ZFR2: variants seen among roughly 807,000 people sequenced by gnomAD.
The protein encoded by ZFR2 is zinc finger RNA binding protein 2.
Under a neutral mutation model 105.7 loss-of-function variants are expected in ZFR2, and 104 were observed. The observed-to-expected ratio is 0.98, with a 90% confidence interval of 0.84 to 1.16. The LOEUF is 1.16. Among genes scored for constraint, ZFR2 ranks in the 50% most tolerant of loss-of-function variants. The pLI is 0.00. For missense variants in ZFR2, 1,425 were observed against 1,355.5 expected (o/e 1.05, Z -0.80); for synonymous variants, 634 against 597.7 (o/e 1.06, Z -0.89).
chr19:3,826,857 C>G (rs574542314), intron 6 of ZFR2, among the ~76,000 whole-genome samples: 5 of 152,374 alleles, frequency 3.3e-5, no homozygotes, highest in African/African-American at 1.2e-4. Flanking sequence ...CTGTCTGTCA[C>G]CACGCCCGAA....
At chr19:3,819,276 G>A (rs1275165754) in intron 11 of ZFR2, 41 bp from the exon 12 acceptor site, 23 of 1,451,718 alleles carry the variant, frequency 1.6e-5, no homozygotes, top group Non-Finnish European at 2.0e-5. Context: ...GGTCTGTGGG[G>A]ACCCTTGGGG....
At chr19:3,857,462 T>C (rs2038319011) in intron 1 of ZFR2, among the ~76,000 whole-genome samples, 1 of 148,730 alleles carries the variant, frequency 6.7e-6, no homozygotes, top group Non-Finnish European at 1.5e-5. Context: ...CCCAGCACTT[T>C]GGGAGGCTGA....
rs1009715120 is a variant in ZFR2, at chr19:3,823,140, T to C, written c.1371+106A>G. The C allele has an allele frequency of 6.6e-7, 1 of 1,513,258 alleles. No individual in the cohort carries two copies. The highest frequency in any genetic ancestry group is 1.2e-5 in the South Asian group (1 of 86,494). The allele number at this position is 1,513,258 out of a possible 1,614,324, so 93.7% of individuals were successfully genotyped here. A position where few individuals can be genotyped will look rare whatever the true frequency, so the allele number is the denominator to read the frequency against. ...GGCCTGTGCAGCTCAGGAACGGGGA[T>C]GGGTCTGTAAATCTCGCTGGGAGAA... is the stretch of plus-strand genomic sequence containing the variant. On this transcript the variant is annotated intron_variant, in intron 8 of 18. Transcript: ENST00000262961. This position sits in a 1 kb window ranked among gnomAD's most constrained non-coding sequence, Gnocchi z 5.4.
At chr19:3,867,008 T>C (rs1218825326) in intron 1 of ZFR2, among the ~76,000 whole-genome samples, 3 of 152,112 alleles carry the variant, frequency 2.0e-5, no homozygotes, top group Non-Finnish European at 4.4e-5. Context: ...TGGTTTCTCT[T>C]TGTGATTCCA....
intron 14 of ZFR2, 39 bp from the exon 15 acceptor site, chr19:3,811,405 C>T: frequency 6.5e-7 from 1 of 1,536,910 alleles, no homozygotes. Context: ...GGGGAAGGTG[C>T]CTCGTCCCGC....
chr19:3,832,832 T>C (rs1599237786), intron 3 of ZFR2, among the ~76,000 whole-genome samples: 1 of 151,008 alleles, frequency 6.6e-6, no homozygotes, highest in South Asian at 2.1e-4. Flanking sequence ...GAGACGGGGG[T>C]CTTACTATGT....
Position 3,827,579 on chromosome 19 carries a change from G to A in ZFR2, c.927C>T (p.Asn309=), listed in dbSNP as rs61742244. The change falls in exon 6 of 19, where the codon AAC becomes AAT. Residue 309 remains asparagine (N), a synonymous_variant. Coordinates refer to ENST00000262961, the MANE Select transcript of ZFR2 (RefSeq NM_015174.2). Reference sequence around the variant, plus strand: ...GCGCCTGCACCCCGCGCGGGCTCCCGTTGGGCTGCACGCCTGTCTTCTGGG... The same window carrying A: ...GCGCCTGCACCCCGCGCGGGCTCCCATTGGGCTGCACGCCTGTCTTCTGGG... ...EAAQKTGVQP[N]GSPRGVQAQL... 3,985 of 1,573,342 alleles carry A rather than the reference G, an allele frequency of 2.5e-3. 71 individuals are homozygous for A. The African/African-American group carries it at 0.047, about 19-fold the overall frequency.
At chr19:3,821,214 G>A (rs1223968047) in intron 10 of ZFR2, 126 bp downstream of exon 10, 8 of 1,312,140 alleles carry the variant, frequency 6.1e-6, no homozygotes, top group Admixed American at 3.0e-5. Flanking sequence ...CCGGGCACCC[G>A]TCTCCCCCCA....
intron 1 of ZFR2, among the ~76,000 whole-genome samples, chr19:3,837,649 G>A (rs953289749): frequency 4.6e-5 from 7 of 150,712 alleles, no homozygotes; most frequent in African/African-American, 9.8e-5. Flanking sequence ...TGGGACACCC[G>A]ATGAACACCA....
At chr19:3,830,954 T>C (rs113987464) in intron 5 of ZFR2, among the ~76,000 whole-genome samples, 1,905 of 148,314 alleles carry the variant, frequency 0.013, 21 homozygotes, top group South Asian at 0.019. Flanking sequence ...TGCGCACACA[T>C]ACACACACGC....
At position 3,833,781 on chromosome 19, in the gene ZFR2, A is replaced by G; in HGVS notation, c.265-3T>C. The G allele has an allele frequency of 6.4e-7, 1 of 1,569,246 alleles. No individual in the cohort carries two copies. Among genetic ancestry groups the G allele is most frequent in the Non-Finnish European group, 8.6e-7 (1 of 1,156,522 alleles). The stretch of plus-strand genomic sequence containing the variant: ...GACTGTCCGTAGCTGTAACTGTCCT[A>G]TGTGGGGGTTTCGGCAGGAGAGAGA... On this transcript the variant is annotated splice_region_variant and splice_polypyrimidine_tract_variant and intron_variant, in intron 2 of 18. Coordinates refer to ENST00000262961, the MANE Select transcript of ZFR2 (RefSeq NM_015174.2).
At chr19:3,809,495 C>T (rs12459982) in intron 16 of ZFR2, among the ~76,000 whole-genome samples, 19,418 of 152,180 alleles carry the variant, frequency 0.13, 1,592 homozygotes, top group Admixed American at 0.28. Flanking sequence ...GCTGGCCTCC[C>T]ACAGCACTGT....
At position 3,834,476 on chromosome 19, in the gene ZFR2, C is replaced by T. The variant is rs977463067; in HGVS notation, c.264+297G>A. On this transcript the variant is annotated intron_variant, in intron 2 of 18. Transcript: ENST00000262961. This position sits in a 1 kb window ranked among gnomAD's most constrained non-coding sequence, Gnocchi z 5.3. ...GTCCTGTAACCCAGGCGACCCTCCT[C>T]CTCCTTCATAGTCACTGCTGAAGCT... Among the ~76,000 whole-genome samples the T allele has an allele frequency of 2.0e-5, 3 of 152,118 alleles. No homozygotes were observed. The highest frequency in any genetic ancestry group is 7.2e-5 in the African/African-American group (3 of 41,434).
chr19:3,858,780 T>G lies in ZFR2; in HGVS notation c.53+10185A>C, dbSNP rs932659251. ...TTGCAGTGAGCTGAGATTGCACCAC[T>G]GTACTCCAGCCTGGGCGACAGAGTG... On this transcript the variant is annotated intron_variant, in intron 1 of 18. Coordinates refer to ENST00000262961, the MANE Select transcript of ZFR2 (RefSeq NM_015174.2). The surrounding 1 kb of genome is among the most constrained non-coding windows in gnomAD (Gnocchi z 4.3). Among the ~76,000 whole-genome samples, 1 of 152,218 alleles carries G rather than the reference T, an allele frequency of 6.6e-6. No homozygotes were observed. The highest frequency in any genetic ancestry group is 1.5e-5 in the Non-Finnish European group (1 of 68,042).
rs1489176836 is a variant in ZFR2, at chr19:3,819,140, C to A, written c.1836G>T (p.Arg612Ser). The A allele has an allele frequency of 1.9e-6, 3 of 1,609,358 alleles. No individual in the cohort carries two copies. The African/African-American group carries it at 4.0e-5, about 22-fold the overall frequency. ...GGGCCCGCTCTGCGTGGGACACGGC[C>A]CTCTGCACGGCCAGGAGCTCCTGCT... ...PTEQELLAVQ[R>S]AVSHAERALK... is the part of the protein sequence containing the mutation. The change falls in exon 12 of 19, where the codon AGG becomes AGT. Residue 612 changes from arginine (R) to serine (S), a missense_variant. Transcript: ENST00000262961.
At chr19:3,833,417 A>G in intron 3 of ZFR2, 1 of 368,176 alleles carries the variant, frequency 2.7e-6, no homozygotes, top group Non-Finnish European at 5.1e-6. Context: ...TCTACTAAAA[A>G]TACAAAAAAT....
At chr19:3,832,831 G>T (rs971937031) in intron 3 of ZFR2, among the ~76,000 whole-genome samples, 3 of 151,598 alleles carry the variant, frequency 2.0e-5, no homozygotes, top group Non-Finnish European at 4.4e-5. Context: ...AGAGACGGGG[G>T]TCTTACTATG....
intron 1 of ZFR2, among the ~76,000 whole-genome samples, chr19:3,844,651 G>T (rs1186824242): frequency 1.3e-5 from 2 of 152,212 alleles, no homozygotes; most frequent in African/African-American, 4.8e-5. Flanking sequence ...TTACATGTGT[G>T]AGCCACTGCG....
chr19:3,847,101 G>A (rs900574336), intron 1 of ZFR2, among the ~76,000 whole-genome samples: 6 of 152,304 alleles, frequency 3.9e-5, no homozygotes, highest in South Asian at 2.1e-4. Context: ...TTCCTCACAC[G>A]GCTTGAGTGT....
Sources: allele counts gnomAD v4.1 joint callset (sites outside exome capture counted in the v4.1 genomes callset), GRCh38; gene constraint gnomAD v4.1.1; non-coding constraint Gnocchi (gnomAD v3.1); transcripts MANE v1.5; gene names NCBI Gene and HGNC (gene_info 2026-07-23, HGNC 2026-07-21).